The following FBLN1 variants were observed in gnomAD, a reference collection of about 807,000 sequenced individuals.
FBLN1 encodes fibulin-1.
FBLN1 carries 34 observed loss-of-function variants against 89.7 expected under a neutral mutation model. The observed-to-expected ratio is 0.38, with a 90% CI of 0.29 to 0.50. The LOEUF (loss-of-function observed/expected upper bound fraction) is 0.50. Ranked by LOEUF, FBLN1 falls within the 20% of genes least tolerant of loss-of-function variation. The pLI, the probability that FBLN1 is intolerant of heterozygous loss-of-function variation, is 0.92. For missense variants in FBLN1, 777 were observed against 988.1 expected (o/e 0.79, Z 2.86); for synonymous variants, 393 against 391.3 (o/e 1.00, Z -0.05).
rs148144549 is a variant in FBLN1 at position 45,541,080 on chromosome 22, G to A, written c.923-149G>A. 6.3e-4 allele frequency: 611 copies of A among 971,840 alleles called. No individual in the cohort carries two copies. The African/African-American group carries it at 7.8e-3, about 12-fold the overall frequency. 60.2% of individuals were successfully genotyped at this position (971,840 alleles called of 1,614,324 possible). A position where few individuals can be genotyped will look rare whatever the true frequency, so the allele number is the denominator to read the frequency against. On this transcript the variant is annotated intron_variant, in intron 8 of 16. Transcript: ENST00000327858. ...AAAATTTGGGAGCCAGCTGGGAGGC[G>A]GCTGTGTGGTCCAGAGTGAGGGGGT...
At chr22:45,542,992 C>T (rs1046795235) in intron 10 of FBLN1, among the ~76,000 whole-genome samples, 3 of 152,114 alleles carry the variant, frequency 2.0e-5, no homozygotes, top group African/African-American at 4.8e-5. Flanking sequence ...GGAGGCCAGG[C>T]GCGATGGCTC....
At chr22:45,524,692 G>A (rs2088296799) in intron 2 of FBLN1, among the ~76,000 whole-genome samples, 1 of 152,210 alleles carries the variant, frequency 6.6e-6, no homozygotes, top group Non-Finnish European at 1.5e-5. Flanking sequence ...TTGTGCGGGT[G>A]AAGCCTAGTG....
chr22:45,509,800 C>T (rs564891993), intron 1 of FBLN1, among the ~76,000 whole-genome samples: 4 of 152,156 alleles, frequency 2.6e-5, no homozygotes, highest in East Asian at 3.9e-4. Context: ...CATCTTGTTG[C>T]ATTTCAGGCT....
At chr22:45,553,563 A>G (rs2088733888) in intron 14 of FBLN1, among the ~76,000 whole-genome samples, 1 of 152,256 alleles carries the variant, frequency 6.6e-6, no homozygotes, top group South Asian at 2.1e-4. Flanking sequence ...AGAGCGAAGT[A>G]CGATCATTGA....
At chr22:45,552,209 C>T (rs1385086647) in intron 14 of FBLN1, among the ~76,000 whole-genome samples, 1 of 152,262 alleles carries the variant, frequency 6.6e-6, no homozygotes, top group East Asian at 1.9e-4. Flanking sequence ...GGGACCCCAC[C>T]TGGCTGGGCG....
At chr22:45,524,022 G>A (rs984367959) in intron 2 of FBLN1, among the ~76,000 whole-genome samples, 1 of 152,184 alleles carries the variant, frequency 6.6e-6, no homozygotes, top group African/African-American at 2.4e-5. Context: ...TTAGTGAAAC[G>A]CCGTTATTTG....
In FBLN1 at chr22:45,574,276, A is replaced by G. The variant is rs932852658; in HGVS notation, c.1698-235A>G. Among the ~76,000 whole-genome samples, 3 of 152,204 alleles carry G rather than the reference A, an allele frequency of 2.0e-5. No homozygotes were observed. The highest frequency in any genetic ancestry group is 2.9e-5 in the Non-Finnish European group (2 of 68,020). ...AAGCTGTGCTTATCCGCCAGGGCAC[A>G]TGGAAGCTGGAGGGTGTTGCTGGCA... On this transcript the variant is annotated intron_variant, in intron 14 of 16. Transcript: ENST00000327858. The surrounding 1 kb of genome is among the most constrained non-coding windows in gnomAD (Gnocchi z 4.1).
intron 8 of FBLN1, among the ~76,000 whole-genome samples, chr22:45,540,375 C>T (rs146902421): frequency 1.3e-5 from 2 of 152,312 alleles, no homozygotes; most frequent in Non-Finnish European, 2.9e-5. Context: ...AATTGCTGCA[C>T]GGTCAGCGCG....
intron 8 of FBLN1, among the ~76,000 whole-genome samples, chr22:45,539,444 A>C (rs2088526537): frequency 6.6e-6 from 1 of 151,476 alleles, no homozygotes; most frequent in Non-Finnish European, 1.5e-5. Flanking sequence ...CAGGTGATCC[A>C]CCCCTCGGCT....
chr22:45,514,063 G>A (rs929298499), intron 1 of FBLN1, among the ~76,000 whole-genome samples: 9 of 152,284 alleles, frequency 5.9e-5, no homozygotes, highest in African/African-American at 1.9e-4. Context: ...GATTACAGGC[G>A]TGAGCCACCG....
chr22:45,538,782 T>C (rs2088515942), intron 8 of FBLN1, among the ~76,000 whole-genome samples: 1 of 151,972 alleles, frequency 6.6e-6, no homozygotes, highest in Admixed American at 6.6e-5. Context: ...TTGATTTCCT[T>C]GTGTAGCCAG....
intron 1 of FBLN1, among the ~76,000 whole-genome samples, chr22:45,511,890 C>T (rs2088106456): frequency 6.6e-6 from 1 of 152,198 alleles, no homozygotes; most frequent in African/African-American, 2.4e-5. Context: ...CGAGATTTTG[C>T]AAGAGTTTGC....
rs752116968 is a variant in FBLN1, at chr22:45,543,382, G to A, written c.1196-19G>A. 4 of 1,610,606 alleles carry A rather than the reference G, an allele frequency of 2.5e-6. No homozygotes were observed. Among genetic ancestry groups the A allele is most frequent in the Non-Finnish European group, 2.5e-6 (3 of 1,179,922 alleles). ...CTGTGTTGGACATTGCCCTGAGTCA[G>A]CCCACCCCTCACTTTCAGATGTCAA... On this transcript the variant is annotated intron_variant, in intron 10 of 16. Coordinates refer to ENST00000327858, the MANE Select transcript of FBLN1 (RefSeq NM_006486.3).
rs981719938 is a variant in FBLN1 at position 45,589,404 on chromosome 22, G to A, written c.1973-10903G>A. ...CACTTCTGCATCCTGACAACATGGA[G>A]CACGGTCCATAGCGTAGGTGTATCG... On this transcript the variant is annotated intron_variant, in intron 16 of 16. Coordinates refer to ENST00000327858, the MANE Select transcript of FBLN1 (RefSeq NM_006486.3). Among the ~76,000 whole-genome samples the A allele has an allele frequency of 2.0e-5, 3 of 152,156 alleles. 1 individual carries two copies. Among genetic ancestry groups the A allele is most frequent in the Admixed American group, 6.5e-5 (1 of 15,280 alleles).
In FBLN1 at chr22:45,590,183, C is replaced by T. The variant is rs1023919011; in HGVS notation, c.1973-10124C>T. On this transcript the variant is annotated intron_variant, in intron 16 of 16. Coordinates refer to ENST00000327858, the MANE Select transcript of FBLN1 (RefSeq NM_006486.3). The surrounding 1 kb of genome is among the most constrained non-coding windows in gnomAD (Gnocchi z 4.1). The stretch of plus-strand genomic sequence containing the variant: ...GACCTGCAGGCCTGGGGCTCAGGAC[C>T]CCCTCTCTGCACTCAAGGGCTGCCC... 1.2e-4 allele frequency among the ~76,000 whole-genome samples: 19 copies of T among 152,316 alleles called. No homozygotes were observed. In the South Asian group the frequency reaches 2.9e-3, roughly 23 times the overall value.
chr22:45,596,154 C>T (rs373677784), intron 16 of FBLN1, among the ~76,000 whole-genome samples: 1 of 152,230 alleles, frequency 6.6e-6, no homozygotes, highest in Non-Finnish European at 1.5e-5. Context: ...CAGGCGTGAG[C>T]CACTACGCCC....
At position 45,574,820 on chromosome 22, in the gene FBLN1, C is replaced by T. The variant is rs1438710464; in HGVS notation, c.1840+167C>T. ...TTTTTGAGACGGAGTCTCGCTCTGT[C>T]GCCCGGGCTGGAGTGCAGTGGTGCC... is the stretch of plus-strand genomic sequence containing the variant. On this transcript the variant is annotated intron_variant, in intron 15 of 16. Coordinates refer to ENST00000327858, the MANE Select transcript of FBLN1 (RefSeq NM_006486.3). The surrounding 1 kb of genome is among the most constrained non-coding windows in gnomAD (Gnocchi z 4.1). Among the ~76,000 whole-genome samples, 6 of 134,622 alleles carry T rather than the reference C, an allele frequency of 4.5e-5. No individual in the cohort carries two copies. The highest frequency in any genetic ancestry group is 2.3e-4 in the South Asian group (1 of 4,354). 88.3% of individuals were successfully genotyped at this position (134,622 alleles called of 152,430 possible). A position where few individuals can be genotyped will look rare whatever the true frequency, so the allele number is the denominator to read the frequency against.
At position 45,556,918 on chromosome 22, in the gene FBLN1, C is replaced by T. The variant is rs1277285451; in HGVS notation, c.1697+6303C>T. 6.6e-6 allele frequency among the ~76,000 whole-genome samples: 1 copy of T among 152,102 alleles called. No individual in the cohort carries two copies. The highest frequency in any genetic ancestry group is 2.4e-5 in the African/African-American group (1 of 41,412). Reference sequence around the variant, plus strand: ...TGGTGAGTGGTGCCACTTCCATTTCCACCCTTGGATGCCTGGACCCGTGAA... The same window carrying T: ...TGGTGAGTGGTGCCACTTCCATTTCTACCCTTGGATGCCTGGACCCGTGAA... On this transcript the variant is annotated intron_variant, in intron 14 of 16. Transcript: ENST00000327858. The surrounding 1 kb of genome is among the most constrained non-coding windows in gnomAD (Gnocchi z 4.6).
chr22:45,576,886 C>T lies in FBLN1; in HGVS notation c.1841-91C>T. Reference sequence around the variant, plus strand: ...ATGAAAGGGCCCTGGGTTAGGTCTTCATTCCCCAAGGGTGAGTTCCTGGGG... The same window carrying T: ...ATGAAAGGGCCCTGGGTTAGGTCTTTATTCCCCAAGGGTGAGTTCCTGGGG... On this transcript the variant is annotated intron_variant, in intron 15 of 16. Transcript: ENST00000327858. This position sits in a 1 kb window ranked among gnomAD's most constrained non-coding sequence, Gnocchi z 5.2. 5.3e-6 allele frequency: 8 copies of T among 1,516,006 alleles called. No homozygotes were observed. Among genetic ancestry groups the T allele is most frequent in the Non-Finnish European group, 7.2e-6 (8 of 1,104,700 alleles). The allele number at this position is 1,516,006 out of a possible 1,614,324, so 93.9% of individuals were successfully genotyped here. A position where few individuals can be genotyped will look rare whatever the true frequency, so the allele number is the denominator to read the frequency against.
Sources: gnomAD v4.1 joint callset for allele counts (sites outside exome capture counted in the v4.1 genomes callset) on GRCh38, gnomAD v4.1.1 for gene constraint, Gnocchi (gnomAD v3.1) non-coding constraint, MANE v1.5 for transcripts, NCBI Gene and HGNC (gene_info 2026-07-23, HGNC 2026-07-21) for gene names.